The following IGFBP3 variants were observed in gnomAD, a reference collection of about 807,000 sequenced individuals.
IGFBP3 encodes the protein insulin like growth factor binding protein 3, also known as insulin-like growth factor-binding protein 3.
IGFBP3 carries 9 observed loss-of-function variants against 28.6 expected under a neutral mutation model. The observed-to-expected ratio is 0.31, with a 90% CI of 0.19 to 0.55. IGFBP3 has a LOEUF of 0.55. Among genes scored for constraint, IGFBP3 ranks in the 20% least tolerant of loss-of-function variants. The pLI is 0.93. For missense variants in IGFBP3, 382 were observed against 428.9 expected (o/e 0.89, Z 0.97); for synonymous variants, 185 against 188.2 (o/e 0.98, Z 0.14).
chr7:45,918,409 G>C (rs1784642057), intron 1 of IGFBP3, among the ~76,000 whole-genome samples: 1 of 152,204 alleles, frequency 6.6e-6, no homozygotes, highest in Non-Finnish European at 1.5e-5. Flanking sequence ...GGAATTTTAA[G>C]TATATGACTA....
At chr7:45,915,161 C>T (rs746554025) in intron 3 of IGFBP3, 12 of 511,410 alleles carry the variant, frequency 2.3e-5, no homozygotes, top group South Asian at 4.2e-5. Flanking sequence ...TCCAAGAAAG[C>T]GGGGGTGGGG....
At chr7:45,920,312 G>A (rs1014910105) in intron 1 of IGFBP3, 4 of 186,204 alleles carry the variant, frequency 2.1e-5, no homozygotes, top group Non-Finnish European at 3.2e-5. Flanking sequence ...TTCCTACAAC[G>A]TGCCTGCCCA....
intron 1 of IGFBP3, 28 bp downstream of exon 1, chr7:45,920,710 C>G: frequency 7.3e-7 from 1 of 1,366,402 alleles, no homozygotes; most frequent in Non-Finnish European, 9.3e-7. Flanking sequence ...GGGTGCTGCA[C>G]GCAGCGCACC....
rs1263403125 is a variant in IGFBP3, at chr7:45,913,308, ATTC to A, written c.*539_*541del. On this transcript the variant is annotated 3_prime_UTR_variant, in exon 5 of 5. Coordinates refer to ENST00000613132, the MANE Select transcript of IGFBP3 (RefSeq NM_000598.5). ...GTACAGGTCACTTGAAGACATAAAC[ATTC>A]TTCTTGGTTGAGGGATCCACGCCCT... 5 of 152,332 alleles carry A rather than the reference ATTC, an allele frequency of 3.3e-5. No homozygotes were observed. Among genetic ancestry groups the A allele is most frequent in the African/African-American group, 7.2e-5 (3 of 41,564 alleles). 9.4% of individuals were successfully genotyped at this position (152,332 alleles called of 1,614,324 possible).
rs755356224 is a variant in IGFBP3 at position 45,917,290 on chromosome 7, G to T, written c.553C>A (p.Arg185Ser). The change falls in exon 2 of 5, where the codon CGC (arginine) becomes AGC (serine). Residue 185 changes from arginine to serine, a missense_variant. Transcript: ENST00000613132. Reference protein sequence around the residue: ...IKKGHAKDSQRYKVDYESQST... With the variant: ...IKKGHAKDSQSYKVDYESQST... ...TGAGACTCGTAGTCAACTTTGTAGC[G>T]CTGGCTGTCTTTAGCATGCCCTTTC... 3.1e-6 allele frequency: 5 copies of T among 1,614,034 alleles called. No individual in the cohort carries two copies.
rs1302076342 is a variant in IGFBP3, at chr7:45,921,037, C to A, written c.104G>T (p.Gly35Val). The A allele has an allele frequency of 7.0e-7, 1 of 1,438,314 alleles. No individual in the cohort carries two copies. The highest frequency in any genetic ancestry group is 1.4e-5 in the South Asian group (1 of 72,302). 89.1% of individuals were successfully genotyped at this position (1,438,314 alleles called of 1,614,324 possible). Reference sequence around the variant, plus strand: ...GCACGGCTCGCAGCGCACCACGGGACCCAAGCCCGCCGAGCTCGCGCCAGC... The same window carrying A: ...GCACGGCTCGCAGCGCACCACGGGAACCAAGCCCGCCGAGCTCGCGCCAGC... ...ARAGASSAGL[G>V]PVVRCEPCDA... The change falls in exon 1 of 5, where the codon GGT (glycine) becomes GTT (valine). Residue 35 changes from glycine (G) to valine (V), a missense_variant. Coordinates refer to ENST00000613132, the MANE Select transcript of IGFBP3 (RefSeq NM_000598.5).
At chr7:45,920,683 T>A in intron 1 of IGFBP3, 55 bp downstream of exon 1, 1 of 1,317,378 alleles carries the variant, frequency 7.6e-7, no homozygotes, top group Non-Finnish European at 9.7e-7. Context: ...CCCCAGGCCC[T>A]TCGGCGCCAG....
Position 45,917,387 on chromosome 7 carries a change from C to T in IGFBP3, c.456G>A (p.Pro152=). 2 of 1,613,890 alleles carry T rather than the reference C, an allele frequency of 1.2e-6. No individual in the cohort carries two copies. Among genetic ancestry groups the T allele is most frequent in the Non-Finnish European group, 1.7e-6 (2 of 1,179,986 alleles). The change falls in exon 2 of 5, where the codon CCG becomes CCA. Residue 152 remains proline (P), a synonymous_variant. Transcript: ENST00000613132. ...EDRSAGSVES[P]SVSSTHRVSD... is the part of the protein sequence containing the mutation. ...ACACCCGGTGCGTGCTGGAGACGGA[C>T]GGGCTCTCCACACTGCCGGCGCTGC...
At position 45,920,895 on chromosome 7, in the gene IGFBP3, G is replaced by A. The variant is rs1365266291; in HGVS notation, c.246C>T (p.Gly82=). 1 of 1,435,550 alleles carries A rather than the reference G, an allele frequency of 7.0e-7. No individual in the cohort carries two copies. The highest frequency in any genetic ancestry group is 9.1e-7 in the Non-Finnish European group (1 of 1,101,752). The allele number at this position is 1,435,550 out of a possible 1,614,324, so 88.9% of individuals were successfully genotyped here. A position where few individuals can be genotyped will look rare whatever the true frequency, so the allele number is the denominator to read the frequency against. ...TCALSEGQPC[G]IYTERCGSGL... Reference sequence around the variant, plus strand: ...CGGAGCCACAGCGCTCGGTGTAGATGCCGCACGGCTGGCCCTCGCTCAGTG... The same window carrying A: ...CGGAGCCACAGCGCTCGGTGTAGATACCGCACGGCTGGCCCTCGCTCAGTG... The change falls in exon 1 of 5, where the codon GGC becomes GGT. Residue 82 remains glycine, a synonymous_variant. Transcript: ENST00000613132.
chr7:45,920,621 A>G (rs562011421), intron 1 of IGFBP3, 117 bp downstream of exon 1: 2 of 1,046,284 alleles, frequency 1.9e-6, no homozygotes, highest in African/African-American at 3.3e-5. Flanking sequence ...TTCCCCACAT[A>G]TTATCTCCAG....
chr7:45,917,208 C>G lies in IGFBP3; in HGVS notation c.630+5G>C. On this transcript the variant is annotated splice_donor_5th_base_variant and intron_variant, in intron 2 of 4. Transcript: ENST00000613132. ...TCCTCCTTTAACAAGAGGAAAAGCT[C>G]TCACATATTCTGTCTCCCGCTTGGA... 1 of 1,606,662 alleles carries G rather than the reference C, an allele frequency of 6.2e-7. No homozygotes were observed. The highest frequency in any genetic ancestry group is 8.5e-7 in the Non-Finnish European group (1 of 1,173,318).
intron 3 of IGFBP3, chr7:45,915,332 GTATGACTTTGTTGAATGAA>G (rs1462487074): frequency 1.0e-5 from 2 of 196,490 alleles, no homozygotes; most frequent in African/African-American, 4.7e-5. Flanking sequence ...CACCTTCTCA[GTATGACTTTGTTGAATGAA>G]TATGACTTTG....
rs1026095857 is a variant in IGFBP3, at chr7:45,921,245, T to C, written c.-105A>G. The stretch of plus-strand genomic sequence containing the variant: ...AATCCAGGCAGGAAGCGGCTGATCC[T>C]CAGCGCCCAGCCGCAGTGCTCGCAT... On this transcript the variant is annotated 5_prime_UTR_variant, in exon 1 of 5. Transcript: ENST00000613132. The C allele has an allele frequency of 2.3e-6, 3 of 1,330,832 alleles. No homozygotes were observed. Among genetic ancestry groups the C allele is most frequent in the Admixed American group, 2.1e-5 (1 of 48,588 alleles). The allele number at this position is 1,330,832 out of a possible 1,614,324, so 82.4% of individuals were successfully genotyped here.
chr7:45,920,792 C>G lies in IGFBP3; in HGVS notation c.349G>C (p.Ala117Pro). The change falls in exon 1 of 5, where the codon GCT becomes CCT. Residue 117 changes from alanine (A) to proline (P), a missense_variant. Ala to Pro is a conservative substitution (Grantham distance 27). Coordinates refer to ENST00000613132, the MANE Select transcript of IGFBP3 (RefSeq NM_000598.5). ...LLDGRGLCVN[A>P]SAVSRLRAYL... ...GCGCGCAGGCGGCTGACGGCACTAG[C>G]GTTGACGCAGAGCCCGCGGCCGTCC... 2 of 1,418,626 alleles carry G rather than the reference C, an allele frequency of 1.4e-6. No individual in the cohort carries two copies. Among genetic ancestry groups the G allele is most frequent in the Non-Finnish European group, 1.8e-6 (2 of 1,095,530 alleles). 87.9% of individuals were successfully genotyped at this position (1,418,626 alleles called of 1,614,324 possible).
intron 3 of IGFBP3, among the ~76,000 whole-genome samples, chr7:45,915,862 C>T (rs955437084): frequency 6.6e-5 from 10 of 152,222 alleles, no homozygotes. Flanking sequence ...CCATCCCCAG[C>T]ATGGACCGAG....
intron 1 of IGFBP3, among the ~76,000 whole-genome samples, chr7:45,917,880 A>G (rs944242829): frequency 2.0e-5 from 3 of 152,172 alleles, no homozygotes; most frequent in Non-Finnish European, 4.4e-5. Flanking sequence ...CTTGGAAGAA[A>G]TGCACATTCT....
chr7:45,921,039 C>A lies in IGFBP3; in HGVS notation c.102G>T (p.Leu34Phe), dbSNP rs1225181389. The A allele has an allele frequency of 1.1e-5, 16 of 1,438,932 alleles. No individual in the cohort carries two copies. In the South Asian group the frequency reaches 2.2e-4, roughly 20 times the overall value. The allele number at this position is 1,438,932 out of a possible 1,614,324, so 89.1% of individuals were successfully genotyped here. A position where few individuals can be genotyped will look rare whatever the true frequency, so the allele number is the denominator to read the frequency against. The change falls in exon 1 of 5, where the codon TTG (leucine) becomes TTT (phenylalanine). Residue 34 changes from leucine (L) to phenylalanine (F), a missense_variant. Physicochemically the swap from Leu to Phe is conservative, Grantham distance 22. Transcript: ENST00000613132. The stretch of plus-strand genomic sequence containing the variant: ...ACGGCTCGCAGCGCACCACGGGACC[C>A]AAGCCCGCCGAGCTCGCGCCAGCCC... ...VARAGASSAG[L>F]GPVVRCEPCD...
At chr7:45,917,553 T>C in intron 1 of IGFBP3, 114 bp from the exon 2 acceptor site, 1 of 763,552 alleles carries the variant, frequency 1.3e-6, no homozygotes, top group Non-Finnish European at 2.0e-6. Flanking sequence ...TAGTTGGCAA[T>C]CCAAGTGAGT....
Position 45,916,540 on chromosome 7 carries a change from T to C in IGFBP3, c.750+8A>G. ...AGAGGAAGAAAACACACTGAGGACC[T>C]CACTCACCTGCTTTTTCTTATAAAA... On this transcript the variant is annotated splice_region_variant and intron_variant, in intron 3 of 4. Coordinates refer to ENST00000613132, the MANE Select transcript of IGFBP3 (RefSeq NM_000598.5). 6.2e-7 allele frequency: 1 copy of C among 1,609,130 alleles called. No homozygotes were observed. The highest frequency in any genetic ancestry group is 8.5e-7 in the Non-Finnish European group (1 of 1,175,996).
Sources: gnomAD v4.1 joint callset for allele counts (sites outside exome capture counted in the v4.1 genomes callset) on GRCh38, gnomAD v4.1.1 for gene constraint, MANE v1.5 for transcripts, NCBI Gene and HGNC (gene_info 2026-07-23, HGNC 2026-07-21) for gene names.